The following HTT variants were observed in gnomAD, a reference collection of about 807,000 sequenced individuals.
The protein encoded by HTT is huntingtin, also known as huntington disease protein.
Under a neutral mutation model 362.3 loss-of-function variants are expected in HTT, and 104 were observed. The observed-to-expected ratio is 0.29, with a 90% CI of 0.24 to 0.34. The LOEUF is 0.34. Ranked by LOEUF, HTT falls within the 10% of genes least tolerant of loss-of-function variation. The pLI is 1.00. For synonymous variants in HTT, 1,577 were observed against 1,548.7 expected, an observed-to-expected ratio of 1.02 and a Z score of -0.43; for missense variants, 3,301 against 3,928.6, an observed-to-expected ratio of 0.84 and a Z score of 4.27.
intron 64 of HTT, among the ~76,000 whole-genome samples, chr4:3,237,957 G>A (rs1721619005): frequency 6.6e-6 from 1 of 152,200 alleles, no homozygotes; most frequent in African/African-American, 2.4e-5. Context: ...TGTTTGTGGA[G>A]CATTTGCATG....
chr4:3,239,100 C>A, intron 66 of HTT, 122 bp downstream of exon 66: 1 of 1,025,228 alleles, frequency 9.8e-7, no homozygotes, highest in Non-Finnish European at 1.4e-6. Context: ...GGGTGACAGG[C>A]CCTCAGCCCC....
At chr4:3,185,055 G>A (rs1049950840) in intron 37 of HTT, among the ~76,000 whole-genome samples, 6 of 152,156 alleles carry the variant, frequency 3.9e-5, no homozygotes, top group African/African-American at 1.4e-4. Flanking sequence ...AGCAAAGGGA[G>A]CCAAACCCTA....
chr4:3,231,397 C>G (rs984491870), intron 60 of HTT, among the ~76,000 whole-genome samples: 3 of 152,180 alleles, frequency 2.0e-5, no homozygotes, highest in Non-Finnish European at 2.9e-5. Context: ...TCCCGCACCC[C>G]CACCTGACAA....
In HTT at chr4:3,132,663, C is replaced by G. The variant is rs766813539; in HGVS notation, c.2338C>G (p.Leu780Val). 6.2e-6 allele frequency: 10 copies of G among 1,614,126 alleles called. No homozygotes were observed. In the East Asian group the frequency reaches 1.8e-4, roughly 29 times the overall value. The change falls in exon 17 of 67, where the codon CTC (leucine) becomes GTC (valine). Residue 780 changes from leucine (L) to valine (V), a missense_variant. Around this residue, in one of 4 missense-constraint regions of HTT, gnomAD observed 2,316 missense variants for 2,658.5 expected, o/e 0.87. Transcript: ENST00000355072. ...CTGTGGGACCCTCATCTGCTCCATCCTCAGCAGGTCCCGCTTCCACGTGGG... is the reference window on the plus strand; with the variant it reads ...CTGTGGGACCCTCATCTGCTCCATCGTCAGCAGGTCCCGCTTCCACGTGGG... ...ILCGTLICSI[L>V]SRSRFHVGDW...
rs753987794 is a variant in HTT at position 3,215,192 on chromosome 4, A to G, written c.7035A>G (p.Glu2345=). Residue 2345 remains glutamate, a synonymous_variant, in exon 51 of 67, where the codon GAA becomes GAG. Transcript: ENST00000355072. ...TPKAISEEEE[E]VDPNTQNPKY... Reference sequence around the variant, plus strand: ...AAGCCATCAGCGAGGAGGAGGAGGAAGTAGATCCAAACACACAGAGTAAGT... The same window carrying G: ...AAGCCATCAGCGAGGAGGAGGAGGAGGTAGATCCAAACACACAGAGTAAGT... 1 of 1,613,676 alleles carries G rather than the reference A, an allele frequency of 6.2e-7. No homozygotes were observed. The highest frequency in any genetic ancestry group is 1.1e-5 in the South Asian group (1 of 91,018).
chr4:3,238,677 G>A, intron 65 of HTT, 68 bp downstream of exon 65: 5 of 1,518,500 alleles, frequency 3.3e-6, no homozygotes, highest in Non-Finnish European at 4.5e-6. Flanking sequence ...CGACTTCCCA[G>A]CAGATTCGCC....
intron 39 of HTT, 129 bp from the exon 40 acceptor site, chr4:3,188,822 A>T (rs978277610): frequency 3.5e-6 from 3 of 864,740 alleles, no homozygotes; most frequent in Non-Finnish European, 5.3e-6. Flanking sequence ...TCTGCATTTC[A>T]CTTTAGCGGT....
rs1721894945 is a variant in HTT, at chr4:3,243,181, G to A, written c.*3122G>A. On this transcript the variant is annotated 3_prime_UTR_variant, in exon 67 of 67. Transcript: ENST00000355072. The stretch of plus-strand genomic sequence containing the variant: ...GCAATAACTCGGTGTGTGGCCGCCT[G>A]GCAGGTGGAACTTCCTCCCGTTGCG... The A allele has an allele frequency of 1.3e-5, 2 of 152,654 alleles. No individual in the cohort carries two copies. The highest frequency in any genetic ancestry group is 4.8e-5 in the African/African-American group (2 of 41,436). The allele number at this position is 152,654 out of a possible 1,614,324, so 9.5% of individuals were successfully genotyped here. A position where few individuals can be genotyped will look rare whatever the true frequency, so the allele number is the denominator to read the frequency against.
intron 1 of HTT, among the ~76,000 whole-genome samples, chr4:3,085,858 AGG>A (rs1190927826): frequency 4.6e-5 from 7 of 152,168 alleles, no homozygotes; most frequent in Non-Finnish European, 8.8e-5. Flanking sequence ...CTGAAGCCAT[AGG>A]TTTGGATGGG....
intron 31 of HTT, among the ~76,000 whole-genome samples, chr4:3,174,456 G>A (rs1718137454): frequency 6.6e-6 from 1 of 152,200 alleles, no homozygotes; most frequent in South Asian, 2.1e-4. Context: ...TCAGTTTCCT[G>A]TAGCAGAAAA....
Position 3,243,477 on chromosome 4 carries a change from G to C in HTT, c.*3418G>C, listed in dbSNP as rs897699933. The C allele has an allele frequency of 6.6e-6, 1 of 152,352 alleles. No individual in the cohort carries two copies. The highest frequency in any genetic ancestry group is 1.5e-5 in the Non-Finnish European group (1 of 68,130). 9.4% of individuals were successfully genotyped at this position (152,352 alleles called of 1,614,324 possible). A position where few individuals can be genotyped will look rare whatever the true frequency, so the allele number is the denominator to read the frequency against. On this transcript the variant is annotated 3_prime_UTR_variant, in exon 67 of 67. Coordinates refer to ENST00000355072, the MANE Select transcript of HTT (RefSeq NM_001388492.1). ...CAGGATGGCTCAGACGAGGACACTC[G>C]CTTGCCGGGCCTGGGCCTCCTGGGA...
At chr4:3,176,616 A>T (rs1268511835) in intron 33 of HTT, among the ~76,000 whole-genome samples, 1 of 152,164 alleles carries the variant, frequency 6.6e-6, no homozygotes, top group Non-Finnish European at 1.5e-5. Flanking sequence ...CCATTCTAGT[A>T]AGAACAAAGA....
chr4:3,202,186 G>C (rs1480435640), intron 41 of HTT, among the ~76,000 whole-genome samples: 2 of 152,174 alleles, frequency 1.3e-5, no homozygotes, highest in African/African-American at 4.8e-5. Context: ...CACATGATGT[G>C]TTGGTCACTT....
intron 21 of HTT, among the ~76,000 whole-genome samples, chr4:3,137,155 A>G (rs1244367454): frequency 1.3e-5 from 2 of 151,900 alleles, no homozygotes; most frequent in African/African-American, 4.8e-5. Context: ...ATCCACCTGC[A>G]TTGGCCTCCC....
chr4:3,229,695 GCAC>G (rs1721151541), intron 59 of HTT, among the ~76,000 whole-genome samples, 189 bp from the exon 60 acceptor site: 1 of 151,620 alleles, frequency 6.6e-6, no homozygotes, highest in Non-Finnish European at 1.5e-5. Context: ...CACCATACAT[GCAC>G]CACGTGTACC....
chr4:3,157,156 T>A lies in HTT; in HGVS notation c.3710T>A (p.Leu1237His). 1 of 1,613,728 alleles carries A rather than the reference T, an allele frequency of 6.2e-7. No homozygotes were observed. Among genetic ancestry groups the A allele is most frequent in the South Asian group, 1.1e-5 (1 of 91,068 alleles). ...AGTTTCTATCATCTTCCTTCATACCTCAAACTGCATGATGTCCTGAAAGCT... is the reference window on the plus strand; with the variant it reads ...AGTTTCTATCATCTTCCTTCATACCACAAACTGCATGATGTCCTGAAAGCT... ...LGSFYHLPSY[L>H]KLHDVLKATH... The change falls in exon 28 of 67, where the codon CTC becomes CAC. Residue 1237 changes from leucine (L) to histidine (H), a missense_variant. Leu to His is a moderately conservative substitution (Grantham distance 99, BLOSUM62 -3). Coordinates refer to ENST00000355072, the MANE Select transcript of HTT (RefSeq NM_001388492.1).
chr4:3,182,347 C>T lies in HTT; in HGVS notation c.4750-7C>T, dbSNP rs1190150158. 1.3e-6 allele frequency: 2 copies of T among 1,593,212 alleles called. No individual in the cohort carries two copies. On this transcript the variant is annotated splice_polypyrimidine_tract_variant and splice_region_variant and intron_variant, in intron 36 of 66. Coordinates refer to ENST00000355072, the MANE Select transcript of HTT (RefSeq NM_001388492.1). ...AGCAGACTTTCTAATTGTGCACGCT[C>T]TTATAGGTGTTGGAGATGTTCATTC...
chr4:3,109,410 A>C (rs923683692), intron 6 of HTT, among the ~76,000 whole-genome samples: 2 of 152,094 alleles, frequency 1.3e-5, no homozygotes, highest in Non-Finnish European at 2.9e-5. Context: ...CTTTTAGTAG[A>C]GATGGGGTTT....
chr4:3,229,036 C>A, intron 59 of HTT, 27 bp downstream of exon 59: 4 of 1,601,892 alleles, frequency 2.5e-6, no homozygotes, highest in Non-Finnish European at 3.4e-6. Context: ...ATTCCCCTCA[C>A]ACCTGCACGT....
Sources: allele counts gnomAD v4.1 joint callset (sites outside exome capture counted in the v4.1 genomes callset), GRCh38; gene constraint gnomAD v4.1.1; regional missense constraint gnomAD v4.1.1; transcripts MANE v1.5; gene names NCBI Gene and HGNC (gene_info 2026-07-23, HGNC 2026-07-21).